IMMP2L: variants seen among roughly 807,000 people sequenced by gnomAD.
IMMP2L encodes inner mitochondrial membrane peptidase subunit 2.
Under a neutral mutation model 19.3 loss-of-function variants are expected in IMMP2L, and 18 were observed. The observed-to-expected ratio is 0.93, with a 90% CI of 0.64 to 1.38. The LOEUF is 1.38. IMMP2L is among the 40% of genes most tolerant of loss of function. The probability of loss-of-function intolerance (pLI) is 0.00; values close to 1 mark genes in which losing one functional copy is unlikely to be tolerated. For synonymous variants in IMMP2L, 76 were observed against 73.0 expected (o/e 1.04, Z -0.21); for missense variants, 233 against 218.2 (o/e 1.07, Z -0.43).
Position 111,370,236 on chromosome 7 carries a change from C to A in IMMP2L, c.239+117002G>T, listed in dbSNP as rs368069997. On this transcript the variant is annotated intron_variant, in intron 3 of 5. Transcript: ENST00000405709. ...CCCTCAGGCAACATTTAACATCTCT[C>A]AGCCCCAATTTCAATGGAGAGAGTC... 5.3e-4 allele frequency among the ~76,000 whole-genome samples: 81 copies of A among 152,094 alleles called. 2 individuals are homozygous for A. In the South Asian group the frequency reaches 0.016, roughly 30 times the overall value.
At chr7:111,038,717 T>A (rs746267384) in intron 3 of IMMP2L, among the ~76,000 whole-genome samples, 3 of 152,018 alleles carry the variant, frequency 2.0e-5, no homozygotes, top group Non-Finnish European at 2.9e-5. Context: ...TGGAGAAGAG[T>A]ACCATTTTCA....
At chr7:110,790,650 T>C (rs1207644485) in intron 5 of IMMP2L, among the ~76,000 whole-genome samples, 1 of 151,556 alleles carries the variant, frequency 6.6e-6, no homozygotes, top group Non-Finnish European at 1.5e-5. Context: ...CCTGAGCAAA[T>C]GGTTAAACAG....
At chr7:110,926,963 C>G (rs1268222174) in intron 4 of IMMP2L, among the ~76,000 whole-genome samples, 1 of 152,146 alleles carries the variant, frequency 6.6e-6, no homozygotes, top group African/African-American at 2.4e-5. Context: ...GACCCTCTTT[C>G]AATATAATTC....
At chr7:111,455,009 CA>C (rs1839560938) in intron 3 of IMMP2L, among the ~76,000 whole-genome samples, 1 of 151,358 alleles carries the variant, frequency 6.6e-6, no homozygotes, top group Non-Finnish European at 1.5e-5. Flanking sequence ...CTGAAATATG[CA>C]AAATATTAGT....
At chr7:110,990,354 A>C (rs1822325849) in intron 3 of IMMP2L, among the ~76,000 whole-genome samples, 1 of 152,208 alleles carries the variant, frequency 6.6e-6, no homozygotes, top group Non-Finnish European at 1.5e-5. Context: ...TAATAGATTT[A>C]TAGGAAATCT....
intron 3 of IMMP2L, among the ~76,000 whole-genome samples, chr7:111,222,635 A>G (rs931289210): frequency 6.6e-6 from 1 of 152,072 alleles, no homozygotes; most frequent in Admixed American, 6.6e-5. Flanking sequence ...ATTTGGATAT[A>G]TTAAAATTTA....
intron 3 of IMMP2L, among the ~76,000 whole-genome samples, chr7:111,470,549 A>C (rs1841150440): frequency 6.6e-6 from 1 of 151,878 alleles, no homozygotes; most frequent in East Asian, 1.9e-4. Context: ...AGCCATAAAA[A>C]ATGATGAGTT....
At chr7:110,793,236 A>G (rs1800597054) in intron 5 of IMMP2L, among the ~76,000 whole-genome samples, 1 of 152,018 alleles carries the variant, frequency 6.6e-6, no homozygotes, top group African/African-American at 2.4e-5. Flanking sequence ...CCTGCCCAAC[A>G]TGGTGAAACT....
chr7:111,441,602 T>C (rs1383541673), intron 3 of IMMP2L, among the ~76,000 whole-genome samples: 1 of 151,330 alleles, frequency 6.6e-6, no homozygotes, highest in Non-Finnish European at 1.5e-5. Context: ...AACAAAAAAG[T>C]TTGAAATATT....
At chr7:111,310,218 G>A (rs1823359130) in intron 3 of IMMP2L, among the ~76,000 whole-genome samples, 1 of 144,062 alleles carries the variant, frequency 6.9e-6, no homozygotes, top group African/African-American at 2.6e-5. Flanking sequence ...GGGCAACAGA[G>A]CGAGACTCCA....
intron 3 of IMMP2L, among the ~76,000 whole-genome samples, chr7:111,334,181 T>TTATA (rs142882503): frequency 1.9e-4 from 28 of 150,466 alleles, no homozygotes; most frequent in African/African-American, 6.3e-4. Flanking sequence ...TAAATACATA[T>TTATA]TATATATATA....
intron 3 of IMMP2L, among the ~76,000 whole-genome samples, chr7:111,242,783 A>G (rs1417800338): frequency 6.6e-6 from 1 of 152,018 alleles, no homozygotes; most frequent in African/African-American, 2.4e-5. Flanking sequence ...AAATTCTGGG[A>G]GGCTAAAAAC....
intron 3 of IMMP2L, among the ~76,000 whole-genome samples, chr7:111,410,721 T>C (rs1834333868): frequency 6.6e-6 from 1 of 151,730 alleles, no homozygotes; most frequent in Non-Finnish European, 1.5e-5. Flanking sequence ...AAAGAGAACA[T>C]ATTGAGAATC....
intron 3 of IMMP2L, among the ~76,000 whole-genome samples, chr7:111,099,625 G>T (rs1726138040): frequency 6.6e-6 from 1 of 151,584 alleles, no homozygotes; most frequent in South Asian, 2.1e-4. Context: ...AAATGTTGCT[G>T]AGGATTCCTC....
intron 1 of IMMP2L, among the ~76,000 whole-genome samples, chr7:111,537,049 C>T (rs1480402574): frequency 6.6e-6 from 1 of 152,010 alleles, no homozygotes; most frequent in African/African-American, 2.4e-5. Context: ...ACCCCTTTCA[C>T]ATCAATAAAC....
intron 5 of IMMP2L, among the ~76,000 whole-genome samples, chr7:110,733,197 G>A (rs1267736410): frequency 6.6e-6 from 1 of 152,134 alleles, no homozygotes; most frequent in African/African-American, 2.4e-5. Context: ...GTGCTAGTAC[G>A]ACAGCTCTAC....
intron 3 of IMMP2L, among the ~76,000 whole-genome samples, chr7:111,236,576 T>A (rs1814340913): frequency 6.6e-6 from 1 of 152,134 alleles, no homozygotes; most frequent in African/African-American, 2.4e-5. Context: ...TTTTTGTAGG[T>A]TCCCCACATA....
chr7:111,095,993 T>A (rs935474511), intron 3 of IMMP2L, among the ~76,000 whole-genome samples: 1 of 151,966 alleles, frequency 6.6e-6, no homozygotes, highest in Non-Finnish European at 1.5e-5. Context: ...ATCCTATTCT[T>A]TTCTTTTGGG....
chr7:111,394,320 A>G (rs1428568214), intron 3 of IMMP2L, among the ~76,000 whole-genome samples: 1 of 152,176 alleles, frequency 6.6e-6, no homozygotes, highest in Non-Finnish European at 1.5e-5. Flanking sequence ...CATTAAATGT[A>G]GTATAACAGA....
Sources: gnomAD v4.1 joint callset for allele counts (sites outside exome capture counted in the v4.1 genomes callset) on GRCh38, gnomAD v4.1.1 for gene constraint, MANE v1.5 for transcripts, NCBI Gene and HGNC (gene_info 2026-07-23, HGNC 2026-07-21) for gene names.